DAB1: variants seen among roughly 807,000 people sequenced by gnomAD.
DAB1 encodes the protein DAB adaptor protein 1.
Under a neutral mutation model 64.6 loss-of-function variants are expected in DAB1, and 15 were observed. The ratio of observed to expected loss-of-function variants is 0.23; its 90% confidence interval spans 0.16 to 0.36. The LOEUF (loss-of-function observed/expected upper bound fraction) is 0.36. DAB1 is among the 10% of genes least tolerant of loss of function. The probability of loss-of-function intolerance (pLI) is 1.00; values close to 1 mark genes in which losing one functional copy is unlikely to be tolerated. For synonymous variants in DAB1, 235 were observed against 251.9 expected, an observed-to-expected ratio of 0.93 and a Z score of 0.64; for missense variants, 596 against 706.7, an observed-to-expected ratio of 0.84 and a Z score of 1.78.
chr1:58,411,835 ATC>A (rs751324533), intron 3 of DAB1, among the ~76,000 whole-genome samples: 1 of 152,100 alleles, frequency 6.6e-6, no homozygotes, highest in East Asian at 1.9e-4. Context: ...TTGCAAATTT[ATC>A]TCTCTATTTT....
At chr1:57,811,032 G>A (rs1239383197) in intron 6 of DAB1, among the ~76,000 whole-genome samples, 1 of 152,114 alleles carries the variant, frequency 6.6e-6, no homozygotes, top group Non-Finnish European at 1.5e-5. Flanking sequence ...CTCTTCCATG[G>A]TCACATTGCC....
At chr1:58,010,203 A>C (rs1388256521) in intron 5 of DAB1, among the ~76,000 whole-genome samples, 2 of 152,202 alleles carry the variant, frequency 1.3e-5, no homozygotes, top group East Asian at 3.8e-4. Context: ...TAACGGCCCT[A>C]TAATGCAGAT....
downstream of DAB1, among the ~76,000 whole-genome samples, chr1:57,824,940 T>C (rs1005558261): frequency 1.3e-5 from 2 of 152,182 alleles, no homozygotes; most frequent in East Asian, 3.9e-4. Flanking sequence ...ATGAGTGGCC[T>C]TGGGGGAGTG....
intron 5 of DAB1, among the ~76,000 whole-genome samples, chr1:57,918,475 A>T (rs1644761950): frequency 1.3e-5 from 2 of 152,140 alleles, no homozygotes; most frequent in South Asian, 4.1e-4. Context: ...ACCCACTCTC[A>T]TAGGAACTAA....
rs368363712 is a variant in DAB1 at position 57,352,135 on chromosome 1, C to A, written c.-136-60969G>T. Among the ~76,000 whole-genome samples, 94 of 152,116 alleles carry A rather than the reference C, an allele frequency of 6.2e-4. 1 individual carries two copies. In the South Asian group the frequency reaches 0.016, roughly 26 times the overall value. On this transcript the variant is annotated intron_variant, in intron 1 of 14. Transcript: ENST00000371236. Reference sequence around the variant, plus strand: ...TCCATCCAACAAGACACAAGCATGACAAGATGGAAAAAGGATCAGAAGAAG... The same window carrying A: ...TCCATCCAACAAGACACAAGCATGAAAAGATGGAAAAAGGATCAGAAGAAG...
At chr1:57,005,088 C>A (rs996382031) in intron 14 of DAB1, among the ~76,000 whole-genome samples, 2 of 152,030 alleles carry the variant, frequency 1.3e-5, no homozygotes, top group African/African-American at 4.8e-5. Context: ...GATGATAATC[C>A]CTTAGGGATT....
At chr1:58,505,967 T>C (rs1645981981) in intron 3 of DAB1, 5 of 702,088 alleles carry the variant, frequency 7.1e-6, no homozygotes, top group Non-Finnish European at 1.0e-5. Flanking sequence ...GTTAATAGGC[T>C]AGAACTCTCT....
intron 3 of DAB1, among the ~76,000 whole-genome samples, chr1:58,370,939 G>C (rs997528021): frequency 6.6e-6 from 1 of 152,260 alleles, no homozygotes. Flanking sequence ...CCCAATCTCA[G>C]GTATTTCTTT....
chr1:57,429,670 C>T (rs544264489), intron 7 of DAB1, among the ~76,000 whole-genome samples: 6 of 152,284 alleles, frequency 3.9e-5, no homozygotes, highest in African/African-American at 1.4e-4. Context: ...TCATATATGG[C>T]ATAATATAAG....
At chr1:57,202,104 A>T (rs1181666963) in intron 2 of DAB1, among the ~76,000 whole-genome samples, 2 of 152,188 alleles carry the variant, frequency 1.3e-5, no homozygotes, top group Non-Finnish European at 1.5e-5. Flanking sequence ...GATAGCAATT[A>T]TCTCCCCCAA....
chr1:58,139,086 A>T (rs975630577), intron 5 of DAB1, among the ~76,000 whole-genome samples: 1 of 152,108 alleles, frequency 6.6e-6, no homozygotes, highest in Non-Finnish European at 1.5e-5. Flanking sequence ...AGTATTATAG[A>T]CCTGGCAGCT....
chr1:57,741,202 T>C (rs1021939865), intron 6 of DAB1, among the ~76,000 whole-genome samples: 1 of 152,222 alleles, frequency 6.6e-6, no homozygotes, highest in South Asian at 2.1e-4. Flanking sequence ...GCCTACTTCA[T>C]TTCCTTATTC....
chr1:57,065,458 T>C (rs1002904558), intron 8 of DAB1, among the ~76,000 whole-genome samples: 1 of 152,194 alleles, frequency 6.6e-6, no homozygotes, highest in African/African-American at 2.4e-5. Flanking sequence ...GTGTGCTTTA[T>C]CTTATCATGA....
At chr1:57,357,514 TCTTC>T (rs1425986783) in intron 1 of DAB1, among the ~76,000 whole-genome samples, 1 of 132,864 alleles carries the variant, frequency 7.5e-6, no homozygotes, top group East Asian at 2.0e-4. Context: ...ATCTTCACCT[TCTTC>T]CTTTTTTTTT....
In DAB1 at chr1:57,213,181, A is replaced by G. The variant is rs551602360; in HGVS notation, c.68-67752T>C. Among the ~76,000 whole-genome samples the G allele has an allele frequency of 2.0e-5, 3 of 152,116 alleles. No individual in the cohort carries two copies. The South Asian group carries it at 6.2e-4, about 32-fold the overall frequency. On this transcript the variant is annotated intron_variant, in intron 2 of 14. Transcript: ENST00000371236. ...CTAGTGACCACATTTTAAAAGGTAC[A>G]AAGAAATGGGGGATGGGGGGTGGGA...
rs559612182 is a variant in DAB1 at position 58,279,914 on chromosome 1, T to C, written n.309+63438A>G. Among the ~76,000 whole-genome samples, 4 of 152,256 alleles carry C rather than the reference T, an allele frequency of 2.6e-5. No homozygotes were observed. In the South Asian group the frequency reaches 8.3e-4, roughly 32 times the overall value. ...ACTTTGCAGATCGGCTCCATTGAGC[T>C]CTCATAGAAACGAGTGTTTGGAATT... On this transcript the variant is annotated intron_variant and non_coding_transcript_variant, in intron 4 of 20. Coordinates refer to the DAB1 transcript ENST00000485760.
At chr1:57,255,939 C>A (rs80163202) in intron 2 of DAB1, among the ~76,000 whole-genome samples, 36 of 152,266 alleles carry the variant, frequency 2.4e-4, no homozygotes, top group African/African-American at 8.4e-4. Context: ...GATATACTTG[C>A]CTTAATGTGC....
chr1:58,404,551 T>G (rs1025859892), intron 3 of DAB1, among the ~76,000 whole-genome samples: 1 of 152,128 alleles, frequency 6.6e-6, no homozygotes, highest in African/African-American at 2.4e-5. Context: ...TAAGTTTGTC[T>G]CCTTCAGAGC....
intron 7 of DAB1, among the ~76,000 whole-genome samples, chr1:57,474,639 A>T (rs1643912793): frequency 6.6e-6 from 1 of 152,208 alleles, no homozygotes; most frequent in Non-Finnish European, 1.5e-5. Context: ...CTGGGATTAA[A>T]GTGTCAATAT....
Sources: gnomAD v4.1 joint callset for allele counts (sites outside exome capture counted in the v4.1 genomes callset) on GRCh38, gnomAD v4.1.1 for gene constraint, MANE v1.5 for transcripts, NCBI Gene and HGNC (gene_info 2026-07-23, HGNC 2026-07-21) for gene names.